KIRREL3: variants seen among roughly 807,000 people sequenced by gnomAD.
KIRREL3 encodes the protein kin of IRRE-like protein 3.
A neutral mutation model predicts 89.7 loss-of-function variants in KIRREL3; 36 were observed. That is an observed-to-expected ratio of 0.40 (90% CI 0.31 to 0.53). The LOEUF is 0.53. Ranked by LOEUF, KIRREL3 falls within the 20% of genes least tolerant of loss-of-function variation. KIRREL3 has a pLI of 0.49. For synonymous variants in KIRREL3, 445 were observed against 441.4 expected (o/e 1.01, Z -0.10); for missense variants, 864 against 1,056.6 (o/e 0.82, Z 2.53).
At chr11:126,435,066 A>C (rs904915901) in intron 13 of KIRREL3, among the ~76,000 whole-genome samples, 3 of 152,090 alleles carry the variant, frequency 2.0e-5, no homozygotes, top group Non-Finnish European at 4.4e-5. Flanking sequence ...GGCAGGAGAC[A>C]GGTCTCTGGG....
At chr11:126,813,615 A>G (rs1951461551) in intron 1 of KIRREL3, among the ~76,000 whole-genome samples, 1 of 152,224 alleles carries the variant, frequency 6.6e-6, no homozygotes, top group South Asian at 2.1e-4. Flanking sequence ...TTTGACTAAC[A>G]TTAACCATTT....
At chr11:126,774,623 C>A (rs534758441) in intron 1 of KIRREL3, among the ~76,000 whole-genome samples, 61 of 152,256 alleles carry the variant, frequency 4.0e-4, no homozygotes, top group Middle Eastern at 6.8e-3. Flanking sequence ...CCAAACGCTG[C>A]ATTTACATGA....
In KIRREL3 at chr11:126,516,126, C is replaced by T. The variant is rs1006948422; in HGVS notation, c.433+5189G>A. Among the ~76,000 whole-genome samples the T allele has an allele frequency of 3.3e-5, 5 of 152,138 alleles. No individual in the cohort carries two copies. Among genetic ancestry groups the T allele is most frequent in the African/African-American group, 1.2e-4 (5 of 41,422 alleles). On this transcript the variant is annotated intron_variant, in intron 4 of 16. Coordinates refer to ENST00000525144, the MANE Select transcript of KIRREL3 (RefSeq NM_032531.4). The surrounding 1 kb of genome is among the most constrained non-coding windows in gnomAD (Gnocchi z 4.9). ...AGTTAAGGACACGTCACAGATTGGA[C>T]CTTATCTGTTTTCCTCTCTCAGTAT...
At chr11:126,670,767 T>G (rs1945904064) in intron 1 of KIRREL3, among the ~76,000 whole-genome samples, 1 of 152,238 alleles carries the variant, frequency 6.6e-6, no homozygotes. Context: ...AAAAATTAAC[T>G]GCTTTCCTCC....
In KIRREL3 at chr11:126,814,856, G is replaced by C. The variant is rs751564463; in HGVS notation, c.55+185599C>G. On this transcript the variant is annotated intron_variant, in intron 1 of 16. Transcript: ENST00000525144. This position sits in a 1 kb window ranked among gnomAD's most constrained non-coding sequence, Gnocchi z 4.4. ...CTGGGTGATGGTGGTGGGTTCATCGGTGCAGCGAACCACCATGGCACACGT... is the reference window on the plus strand; with the variant it reads ...CTGGGTGATGGTGGTGGGTTCATCGCTGCAGCGAACCACCATGGCACACGT... 1.3e-5 allele frequency among the ~76,000 whole-genome samples: 2 copies of C among 152,138 alleles called. No homozygotes were observed. Among genetic ancestry groups the C allele is most frequent in the Non-Finnish European group, 2.9e-5 (2 of 68,038 alleles).
intron 1 of KIRREL3, among the ~76,000 whole-genome samples, chr11:126,707,370 A>C (rs1481526432): frequency 6.6e-6 from 1 of 151,706 alleles, no homozygotes; most frequent in African/African-American, 2.4e-5. Context: ...TCTTGCTACA[A>C]GGGGTGAGGA....
At chr11:126,777,476 C>CA (rs147628177) in intron 1 of KIRREL3, among the ~76,000 whole-genome samples, 4,424 of 151,820 alleles carry the variant, frequency 0.029, 216 homozygotes, top group African/African-American at 0.1. Flanking sequence ...AGGTTTTACT[C>CA]AAAAAAAACC....
chr11:126,451,403 T>C (rs558639944), intron 7 of KIRREL3, among the ~76,000 whole-genome samples: 1 of 150,770 alleles, frequency 6.6e-6, no homozygotes, highest in East Asian at 2.0e-4. Flanking sequence ...CGTGTGCATG[T>C]GTGCATGTGT....
intron 1 of KIRREL3, among the ~76,000 whole-genome samples, chr11:126,871,249 G>A (rs749491867): frequency 2.6e-5 from 4 of 152,128 alleles, no homozygotes; most frequent in Admixed American, 2.0e-4. Flanking sequence ...CCCCCTCACC[G>A]CTCATAAAGA....
intron 1 of KIRREL3, among the ~76,000 whole-genome samples, chr11:126,784,661 G>C (rs1950429039): frequency 1.3e-5 from 2 of 149,008 alleles, no homozygotes; most frequent in Non-Finnish European, 3.0e-5. Flanking sequence ...CCTCATGTTA[G>C]GGTATCTGAC....
chr11:126,529,875 T>G, intron 2 of KIRREL3, among the ~76,000 whole-genome samples: 1 of 133,556 alleles, frequency 7.5e-6, no homozygotes, highest in East Asian at 2.0e-4. Flanking sequence ...TTTTTTTTTT[T>G]CAAATGAATC....
At chr11:127,001,025 C>CA (rs376490143), upstream of KIRREL3, 94 of 186,966 alleles carry the variant, frequency 5.0e-4, no homozygotes, top group Admixed American at 1.3e-3. Flanking sequence ...CATTATTGAC[C>CA]AAAAGGCATC....
At chr11:126,934,400 T>C (rs1948087949) in intron 1 of KIRREL3, among the ~76,000 whole-genome samples, 1 of 152,190 alleles carries the variant, frequency 6.6e-6, no homozygotes, top group African/African-American at 2.4e-5. Flanking sequence ...ACTTTGGGTT[T>C]TTCTATACAC....
intron 12 of KIRREL3, among the ~76,000 whole-genome samples, chr11:126,436,038 G>A (rs541039839): frequency 2.8e-3 from 432 of 152,306 alleles, no homozygotes; most frequent in African/African-American, 9.1e-3. Flanking sequence ...CCCCTCCAAG[G>A]CTCCCCATCC....
chr11:126,863,200 C>A (rs190674028), intron 1 of KIRREL3, among the ~76,000 whole-genome samples: 1 of 152,234 alleles, frequency 6.6e-6, no homozygotes, highest in Non-Finnish European at 1.5e-5. Context: ...TGGCTTGGAA[C>A]GTGCTACCTG....
chr11:126,543,794 C>T (rs530899558), intron 2 of KIRREL3, among the ~76,000 whole-genome samples: 4 of 152,334 alleles, frequency 2.6e-5, no homozygotes, highest in South Asian at 4.1e-4. Flanking sequence ...TCCTGTGTGG[C>T]CTTATTCAGA....
In KIRREL3 at chr11:126,766,786, G is replaced by GTT. The variant is rs1231694035; in HGVS notation, c.56-203876_56-203875dup. Among the ~76,000 whole-genome samples, 2 of 152,232 alleles carry GTT rather than the reference G, an allele frequency of 1.3e-5. No individual in the cohort carries two copies. Among genetic ancestry groups the GTT allele is most frequent in the African/African-American group, 4.8e-5 (2 of 41,472 alleles). Reference sequence around the variant, plus strand: ...TTCTGACTGGGGATCATAAAGTGCTGTTGATAATTGTGATAGTTAAAGTGA... The same window carrying GTT: ...TTCTGACTGGGGATCATAAAGTGCTGTTTTGATAATTGTGATAGTTAAAGTGA... On this transcript the variant is annotated intron_variant, in intron 1 of 16. Transcript: ENST00000525144. The surrounding 1 kb of genome is among the most constrained non-coding windows in gnomAD (Gnocchi z 4.2).
In KIRREL3 at chr11:126,772,968, G is replaced by A. The variant is rs1480022540; in HGVS notation, c.56-210056C>T. 1.3e-5 allele frequency among the ~76,000 whole-genome samples: 2 copies of A among 152,192 alleles called. No homozygotes were observed. ...GTCATGTGGACTAAGGTAGGGGTGA[G>A]CAAGCTATGGAAACATTTAGTGACA... is the stretch of plus-strand genomic sequence containing the variant. On this transcript the variant is annotated intron_variant, in intron 1 of 16. Coordinates refer to ENST00000525144, the MANE Select transcript of KIRREL3 (RefSeq NM_032531.4). This position sits in a 1 kb window ranked among gnomAD's most constrained non-coding sequence, Gnocchi z 4.6.
intron 1 of KIRREL3, among the ~76,000 whole-genome samples, chr11:126,654,898 G>A (rs915483790): frequency 6.6e-6 from 1 of 152,146 alleles, no homozygotes; most frequent in African/African-American, 2.4e-5. Context: ...TTGGGTCAGA[G>A]GCCAGGAGTC....
Sources: gnomAD v4.1 joint callset for allele counts (sites outside exome capture counted in the v4.1 genomes callset) on GRCh38, gnomAD v4.1.1 for gene constraint, Gnocchi (gnomAD v3.1) non-coding constraint, MANE v1.5 for transcripts, NCBI Gene and HGNC (gene_info 2026-07-23, HGNC 2026-07-21) for gene names.